Variants in DECR1 observed in about 807,000 individuals in gnomAD.
DECR1 encodes the protein 2,4-dienoyl-CoA reductase 1.
In DECR1, 44 loss-of-function variants were observed where a neutral mutation model predicts 38.8. The observed-to-expected ratio is 1.13, with a 90% CI of 0.89 to 1.46. The LOEUF is 1.46. Among genes scored for constraint, DECR1 ranks in the 40% most tolerant of loss-of-function variants. The pLI, the probability that DECR1 is intolerant of heterozygous loss-of-function variation, is 0.00. For missense variants in DECR1, 428 were observed against 405.5 expected, an observed-to-expected ratio of 1.06 and a Z score of -0.48; for synonymous variants, 148 against 135.2, an observed-to-expected ratio of 1.09 and a Z score of -0.66.
At chr8:90,047,580 T>TA (rs1018484466) in intron 8 of DECR1, among the ~76,000 whole-genome samples, 2 of 152,132 alleles carry the variant, frequency 1.3e-5, no homozygotes, top group Non-Finnish European at 2.9e-5. Context: ...CACACAATAA[T>TA]AATGGGAGAC....
At chr8:90,033,819 A>G (rs945028519) in intron 5 of DECR1, among the ~76,000 whole-genome samples, 8 of 152,190 alleles carry the variant, frequency 5.3e-5, no homozygotes, top group African/African-American at 1.9e-4. Flanking sequence ...GTATTTGTTC[A>G]GTCTTAGTTG....
intron 6 of DECR1, among the ~76,000 whole-genome samples, chr8:90,041,777 A>G (rs78080170): frequency 1.5e-3 from 231 of 152,222 alleles, no homozygotes; most frequent in Non-Finnish European, 2.7e-3. Flanking sequence ...CACACACTTC[A>G]GTACATTTAG....
At chr8:90,012,431 G>C (rs996455662) in intron 1 of DECR1, among the ~76,000 whole-genome samples, 1 of 152,088 alleles carries the variant, frequency 6.6e-6, no homozygotes, top group Non-Finnish European at 1.5e-5. Flanking sequence ...GGGATTACAG[G>C]TGTTAGCTAC....
At chr8:90,029,269 T>C (rs1453351591) in intron 5 of DECR1, 2 of 152,160 alleles carry the variant, frequency 1.3e-5, no homozygotes, top group African/African-American at 4.8e-5. Context: ...ATGAAAAATA[T>C]AAATTGTTTT....
At chr8:90,006,270 T>TG in intron 1 of DECR1, 1 of 704,098 alleles carries the variant, frequency 1.4e-6, no homozygotes. Flanking sequence ...CTCCTGCTCA[T>TG]GGGGGAGGTA....
At chr8:90,005,974 G>C (rs920824897) in intron 1 of DECR1, 8 of 528,110 alleles carry the variant, frequency 1.5e-5, no homozygotes, top group Admixed American at 3.2e-5. Context: ...GGAGGTGCCA[G>C]GTTCTTTCAC....
chr8:90,044,345 A>C (rs1422985122), intron 7 of DECR1, among the ~76,000 whole-genome samples: 1 of 152,242 alleles, frequency 6.6e-6, no homozygotes, highest in Non-Finnish European at 1.5e-5. Context: ...CCTTCACATC[A>C]TTGACAGAAA....
intron 5 of DECR1, among the ~76,000 whole-genome samples, chr8:90,025,243 T>C (rs1028285372): frequency 1.3e-5 from 2 of 152,234 alleles, no homozygotes; most frequent in African/African-American, 4.8e-5. Context: ...AAGTAGTTTT[T>C]TCCAATTCTG....
intron 7 of DECR1, among the ~76,000 whole-genome samples, chr8:90,044,294 T>A (rs1414992372): frequency 6.6e-6 from 1 of 152,180 alleles, no homozygotes. Context: ...TCCAGTTGTT[T>A]TTATTAATCA....
chr8:90,025,387 T>C lies in DECR1; in HGVS notation c.565+4331T>C, dbSNP rs528771016. Among the ~76,000 whole-genome samples the C allele has an allele frequency of 8.9e-3, 1,356 of 152,322 alleles. 22 individuals carry two copies. The highest frequency in any genetic ancestry group is 0.031 in the African/African-American group (1,309 of 41,558). The stretch of plus-strand genomic sequence containing the variant: ...TGTTCTTCCATTTGTTTGTGTCCTC[T>C]TTTATTTCATTGAGCAGTGGTTTGT... On this transcript the variant is annotated intron_variant, in intron 5 of 9. Transcript: ENST00000220764.
At chr8:90,019,530 G>T (rs544900464) in intron 4 of DECR1, among the ~76,000 whole-genome samples, 118 of 152,346 alleles carry the variant, frequency 7.7e-4, no homozygotes, top group African/African-American at 2.7e-3. Context: ...GAAATTTCTA[G>T]AAAAGGGTTG....
At chr8:90,002,435 A>G (rs1274202645) in intron 1 of DECR1, among the ~76,000 whole-genome samples, 3 of 152,140 alleles carry the variant, frequency 2.0e-5, no homozygotes, top group East Asian at 3.9e-4. Context: ...CATTGCACCC[A>G]TAGTGGAAAT....
intron 1 of DECR1, chr8:90,005,728 C>G (rs1812722178): frequency 3.2e-6 from 1 of 311,902 alleles, no homozygotes; most frequent in African/African-American, 2.2e-5. Flanking sequence ...ATACCTGAGG[C>G]TGGGTAATTT....
At position 90,013,416 on chromosome 8, in the gene DECR1, T is replaced by G. The variant is rs1812934678; in HGVS notation, c.70-3708T>G. On this transcript the variant is annotated intron_variant, in intron 1 of 9. Coordinates refer to ENST00000220764, the MANE Select transcript of DECR1 (RefSeq NM_001359.2). ...CTTCTTTCGTTTTTTTTTTTTTTTT[T>G]TTTTTTGTATTGGTTTCTTGTGTGT... 2.1e-5 allele frequency among the ~76,000 whole-genome samples: 3 copies of G among 145,182 alleles called. No individual in the cohort carries two copies. The South Asian group carries it at 6.6e-4, about 32-fold the overall frequency.
intron 1 of DECR1, among the ~76,000 whole-genome samples, chr8:90,016,054 T>C (rs1380844451): frequency 2.0e-5 from 3 of 152,238 alleles, no homozygotes; most frequent in Admixed American, 6.5e-5. Flanking sequence ...TGCGAGAGAA[T>C]GGCAGTGATG....
At chr8:90,037,412 C>CAAGTCCAG (rs1341599311) in intron 6 of DECR1, among the ~76,000 whole-genome samples, 1 of 150,960 alleles carries the variant, frequency 6.6e-6, no homozygotes, top group East Asian at 1.9e-4. Flanking sequence ...GAGCACTTCC[C>CAAGTCCAG]AAGTCCAGTG....
chr8:90,037,448 C>CT (rs538084218), intron 6 of DECR1, among the ~76,000 whole-genome samples: 6,642 of 137,186 alleles, frequency 0.048, 275 homozygotes, highest in East Asian at 0.19. Flanking sequence ...AGTATAACTG[C>CT]TTTTTTTTTT....
chr8:90,025,136 A>G (rs1813296293), intron 5 of DECR1, among the ~76,000 whole-genome samples: 3 of 152,158 alleles, frequency 2.0e-5, no homozygotes, highest in African/African-American at 7.2e-5. Context: ...CTTGTAGTAT[A>G]GTTTGAAGTG....
At chr8:90,001,731 G>T (rs1812617110) in intron 1 of DECR1, among the ~76,000 whole-genome samples, 170 bp downstream of exon 1, 1 of 151,274 alleles carries the variant, frequency 6.6e-6, no homozygotes, top group South Asian at 2.1e-4. Flanking sequence ...ATCCCGAGGC[G>T]CAGAGAGAGA....
Sources: allele counts gnomAD v4.1 joint callset (sites outside exome capture counted in the v4.1 genomes callset), GRCh38; gene constraint gnomAD v4.1.1; transcripts MANE v1.5; gene names NCBI Gene and HGNC (gene_info 2026-07-23, HGNC 2026-07-21).